RFTN1: variants seen among roughly 807,000 people sequenced by gnomAD.
RFTN1 encodes raftlin.
A neutral mutation model predicts 46.5 loss-of-function variants in RFTN1; 26 were observed. That is an observed-to-expected ratio of 0.56 (90% CI 0.41 to 0.78). The LOEUF is 0.78. RFTN1 is among the 30% of genes least tolerant of loss of function. The pLI is 0.00. For missense variants in RFTN1, 693 were observed against 718.7 expected (o/e 0.96, Z 0.41); for synonymous variants, 261 against 284.2 (o/e 0.92, Z 0.82).
chr3:16,493,762 A>AT lies in RFTN1; in HGVS notation c.107dup (p.Tyr36Ter). The change falls in exon 2 of 10, where the codon TAT becomes TAAT. Residue 36 changes from tyrosine to a stop codon, truncating the protein, a stop_gained and frameshift_variant. Coordinates refer to ENST00000334133, the MANE Select transcript of RFTN1 (RefSeq NM_015150.2). LOFTEE classifies it high-confidence loss of function. ...PQVETKIDVS[Y>*]EYRFLEFTTL... ...TCGTGAACTCCAGGAAGCGGTATTC[A>AT]TAGGACACATCTATCTTGGTTTCCA... The AT allele has an allele frequency of 6.2e-7, 1 of 1,613,246 alleles. No homozygotes were observed. Among genetic ancestry groups the AT allele is most frequent in the South Asian group, 1.1e-5 (1 of 91,058 alleles).
rs373267747 is a variant in RFTN1 at position 16,507,806 on chromosome 3, C to T, written c.-9+5636G>A. 0.062 allele frequency among the ~76,000 whole-genome samples: 8,825 copies of T among 141,252 alleles called. 851 individuals are homozygous for T. Among genetic ancestry groups the T allele is most frequent in the African/African-American group, 0.22 (8,237 of 36,880 alleles). 92.7% of individuals were successfully genotyped at this position (141,252 alleles called of 152,430 possible). ...TCACATACACACAAACACACACAAA[C>T]GCACATACATACATACATACACACA... On this transcript the variant is annotated intron_variant, in intron 1 of 9. Coordinates refer to ENST00000334133, the MANE Select transcript of RFTN1 (RefSeq NM_015150.2). This position sits in a 1 kb window ranked among gnomAD's most constrained non-coding sequence, Gnocchi z 7.1.
At chr3:16,326,696 G>C in intron 8 of RFTN1, 77 bp downstream of exon 8, 2 of 1,053,930 alleles carry the variant, frequency 1.9e-6, no homozygotes, top group Non-Finnish European at 2.9e-6. Flanking sequence ...ATTTATAGAC[G>C]TGAGGTGCTC....
intron 7 of RFTN1, among the ~76,000 whole-genome samples, chr3:16,330,435 G>C (rs2070194538): frequency 6.6e-6 from 1 of 152,198 alleles, no homozygotes; most frequent in Admixed American, 6.5e-5. Flanking sequence ...TAAGAAAGGT[G>C]GTAGGAAACA....
intron 2 of RFTN1, among the ~76,000 whole-genome samples, chr3:16,445,629 TC>T (rs1005353481): frequency 1.3e-5 from 2 of 152,066 alleles, no homozygotes; most frequent in Non-Finnish European, 2.9e-5. Context: ...TCAACCAATT[TC>T]AAAGATTTAG....
rs180782980 is a variant in RFTN1, at chr3:16,421,497, G to C, written c.333-12014C>G. 3.3e-5 allele frequency among the ~76,000 whole-genome samples: 5 copies of C among 152,202 alleles called. No individual in the cohort carries two copies. The East Asian group carries it at 9.6e-4, about 29-fold the overall frequency. On this transcript the variant is annotated intron_variant, in intron 3 of 9. Coordinates refer to ENST00000334133, the MANE Select transcript of RFTN1 (RefSeq NM_015150.2). This position sits in a 1 kb window ranked among gnomAD's most constrained non-coding sequence, Gnocchi z 4.6. ...CCCCGGAGTAGCTGGGACTACAGGTGCATGCCACCATGCCCAGCTAATTTT... is the reference window on the plus strand; with the variant it reads ...CCCCGGAGTAGCTGGGACTACAGGTCCATGCCACCATGCCCAGCTAATTTT...
rs28361537 is a variant in RFTN1, at chr3:16,432,346, G to T, written c.332+1505C>A. 2.8e-3 allele frequency among the ~76,000 whole-genome samples: 424 copies of T among 151,992 alleles called. 4 individuals are homozygous for T. Among genetic ancestry groups the T allele is most frequent in the African/African-American group, 8.7e-3 (359 of 41,430 alleles). The stretch of plus-strand genomic sequence containing the variant: ...CAGTCTAGGCAACATGGCGAAACCC[G>T]GTCTCTACCCAAAATAAAAAAATTA... On this transcript the variant is annotated intron_variant, in intron 3 of 9. Coordinates refer to ENST00000334133, the MANE Select transcript of RFTN1 (RefSeq NM_015150.2).
Position 16,370,733 on chromosome 3 carries a change from C to A in RFTN1, c.827-454G>T, listed in dbSNP as rs1269946552. 5 of 165,120 alleles carry A rather than the reference C, an allele frequency of 3.0e-5. No homozygotes were observed. Among genetic ancestry groups the A allele is most frequent in the Non-Finnish European group, 6.7e-5 (5 of 75,056 alleles). 10.2% of individuals were successfully genotyped at this position (165,120 alleles called of 1,614,324 possible). A position where few individuals can be genotyped will look rare whatever the true frequency, so the allele number is the denominator to read the frequency against. ...TCTAATTCCAGGAACCTTGTACACT[C>A]CTGAACTCACTATTTATAAACTGCA... On this transcript the variant is annotated intron_variant, in intron 5 of 9. Transcript: ENST00000334133. This position sits in a 1 kb window ranked among gnomAD's most constrained non-coding sequence, Gnocchi z 5.5.
At chr3:16,354,156 C>G (rs2072274751) in intron 7 of RFTN1, among the ~76,000 whole-genome samples, 1 of 152,142 alleles carries the variant, frequency 6.6e-6, no homozygotes, top group Non-Finnish European at 1.5e-5. Flanking sequence ...CCAAGAAACT[C>G]ACAACGGAGG....
chr3:16,494,794 G>C (rs1017563146), intron 1 of RFTN1, among the ~76,000 whole-genome samples: 4 of 152,146 alleles, frequency 2.6e-5, no homozygotes, highest in African/African-American at 7.2e-5. Context: ...GTGTACTAAG[G>C]ATAAACGATG....
rs57332941 is a variant in RFTN1, at chr3:16,465,455, C to CACACACACAA, written c.145+28269_145+28270insTTGTGTGTGT. Among the ~76,000 whole-genome samples, 8 of 146,296 alleles carry CACACACACAA rather than the reference C, an allele frequency of 5.5e-5. No individual in the cohort carries two copies. The highest frequency in any genetic ancestry group is 2.2e-4 in the African/African-American group (8 of 36,484). The stretch of plus-strand genomic sequence containing the variant: ...ACACACACACACACACACACACACA[C>CACACACACAA]CCCATGCCTGATTAAACAAAATAAT... On this transcript the variant is annotated intron_variant, in intron 2 of 9. Transcript: ENST00000334133. The surrounding 1 kb of genome is among the most constrained non-coding windows in gnomAD (Gnocchi z 5.1).
At chr3:16,339,225 TTC>T (rs1338074003) in intron 7 of RFTN1, 1 of 152,206 alleles carries the variant, frequency 6.6e-6, no homozygotes, top group Non-Finnish European at 1.5e-5. Flanking sequence ...TTGGCCAATA[TTC>T]TCTTTGTGGT....
chr3:16,467,892 C>T (rs989260431), intron 2 of RFTN1, among the ~76,000 whole-genome samples: 7 of 152,150 alleles, frequency 4.6e-5, no homozygotes, highest in African/African-American at 9.7e-5. Flanking sequence ...TCCCTCACCC[C>T]ACTCGTGCAT....
chr3:16,350,216 A>G (rs1347735148), intron 7 of RFTN1: 1 of 152,226 alleles, frequency 6.6e-6, no homozygotes, highest in African/African-American at 2.4e-5. Flanking sequence ...GACCTCATCT[A>G]TAATAAGAAT....
Position 16,459,019 on chromosome 3 carries a change from C to T in RFTN1, c.146-24982G>A, listed in dbSNP as rs572301546. On this transcript the variant is annotated intron_variant, in intron 2 of 9. Coordinates refer to ENST00000334133, the MANE Select transcript of RFTN1 (RefSeq NM_015150.2). The surrounding 1 kb of genome is among the most constrained non-coding windows in gnomAD (Gnocchi z 4.2). ...ATGCCATCACAGGTCACTGCAGCCT[C>T]GACCTCCCAGACTCAGGTGATTCTC... 4.6e-5 allele frequency among the ~76,000 whole-genome samples: 7 copies of T among 152,268 alleles called. No individual in the cohort carries two copies. The highest frequency in any genetic ancestry group is 1.9e-4 in the East Asian group (1 of 5,182).
rs1054943446 is a variant in RFTN1, at chr3:16,348,669, G to A, written c.1146+9263C>T. Among the ~76,000 whole-genome samples, 2 of 152,160 alleles carry A rather than the reference G, an allele frequency of 1.3e-5. No individual in the cohort carries two copies. The highest frequency in any genetic ancestry group is 3.2e-3 in the Middle Eastern group (1 of 316). Reference sequence around the variant, plus strand: ...AATGCCCCTTTGCATCCTTGTTCCTGGGCATCAAAAAGTAGTCACTCTCTT... The same window carrying A: ...AATGCCCCTTTGCATCCTTGTTCCTAGGCATCAAAAAGTAGTCACTCTCTT... On this transcript the variant is annotated intron_variant, in intron 7 of 9. Coordinates refer to ENST00000334133, the MANE Select transcript of RFTN1 (RefSeq NM_015150.2). This position sits in a 1 kb window ranked among gnomAD's most constrained non-coding sequence, Gnocchi z 6.3.
At chr3:16,319,223 A>G (rs1338151904) in intron 9 of RFTN1, among the ~76,000 whole-genome samples, 1 of 152,184 alleles carries the variant, frequency 6.6e-6, no homozygotes, top group African/African-American at 2.4e-5. Context: ...AGTGAAGCCT[A>G]CCTGTGTAGT....
chr3:16,364,106 T>C (rs2073002832), intron 6 of RFTN1, among the ~76,000 whole-genome samples: 1 of 152,228 alleles, frequency 6.6e-6, no homozygotes, highest in Non-Finnish European at 1.5e-5. Context: ...ACATTCTCAA[T>C]TTGAGGCAAT....
chr3:16,491,954 CA>C (rs1255644466), intron 2 of RFTN1, among the ~76,000 whole-genome samples: 1 of 151,972 alleles, frequency 6.6e-6, no homozygotes, highest in Admixed American at 6.6e-5. Context: ...ATTCACTGAA[CA>C]AAAAAATGGA....
rs1253430699 is a variant in RFTN1 at position 16,440,152 on chromosome 3, G to A, written c.146-6115C>T. Among the ~76,000 whole-genome samples, 2 of 152,146 alleles carry A rather than the reference G, an allele frequency of 1.3e-5. No homozygotes were observed. The highest frequency in any genetic ancestry group is 4.8e-5 in the African/African-American group (2 of 41,412). The stretch of plus-strand genomic sequence containing the variant: ...CCTACTCAGAGTGGGCCGCTGCCGC[G>A]AGGGCTGATCACACTTTTTCTCCAC... On this transcript the variant is annotated intron_variant, in intron 2 of 9. Coordinates refer to ENST00000334133, the MANE Select transcript of RFTN1 (RefSeq NM_015150.2). This position sits in a 1 kb window ranked among gnomAD's most constrained non-coding sequence, Gnocchi z 4.6.
Sources: allele counts gnomAD v4.1 joint callset (sites outside exome capture counted in the v4.1 genomes callset), GRCh38; gene constraint gnomAD v4.1.1; non-coding constraint Gnocchi (gnomAD v3.1); transcripts MANE v1.5; gene names NCBI Gene and HGNC (gene_info 2026-07-23, HGNC 2026-07-21).